The following TOX4 variants were observed in gnomAD, a reference collection of about 807,000 sequenced individuals.
TOX4 encodes the protein epidermal Langerhans cell protein LCP1.
In TOX4, 12 loss-of-function variants were observed where a neutral mutation model predicts 61.0. That is an observed-to-expected ratio of 0.20 (90% CI 0.13 to 0.32). The LOEUF is 0.32. Ranked by LOEUF, TOX4 falls within the 10% of genes least tolerant of loss-of-function variation. The probability of loss-of-function intolerance (pLI) is 1.00; values close to 1 mark genes in which losing one functional copy is unlikely to be tolerated. For missense variants in TOX4, 499 were observed against 753.3 expected (o/e 0.66, Z 3.95); for synonymous variants, 268 against 274.8 (o/e 0.98, Z 0.24).
At chr14:21,491,281 C>G (rs971202789) in intron 5 of TOX4, among the ~76,000 whole-genome samples, 19 of 152,222 alleles carry the variant, frequency 1.2e-4, no homozygotes, top group Non-Finnish European at 2.6e-4. Context: ...CAATTTACCA[C>G]ATTCCATAAG....
chr14:21,493,840 T>A (rs1891346259), intron 7 of TOX4, among the ~76,000 whole-genome samples: 1 of 150,830 alleles, frequency 6.6e-6, no homozygotes, highest in African/African-American at 2.4e-5. Flanking sequence ...AATCTCCACC[T>A]CCTAGTTCAA....
Position 21,493,112 on chromosome 14 carries a change from C to CCA in TOX4, c.1498_1499dup (p.Lys502Ter). ...CTGCAGATCAAGAGTGTGCCTCTAC[C>CCA]CACTTTGAAAATGCAGACTACCTTA... On this transcript the variant is annotated frameshift_variant, in exon 7 of 9. Transcript: ENST00000448790. LOFTEE classifies it high-confidence loss of function. 1 of 1,613,722 alleles carries CCA rather than the reference C, an allele frequency of 6.2e-7. No homozygotes were observed. The highest frequency in any genetic ancestry group is 8.5e-7 in the Non-Finnish European group (1 of 1,180,000).
At chr14:21,491,127 T>A (rs1891281829) in intron 5 of TOX4, among the ~76,000 whole-genome samples, 1 of 113,802 alleles carries the variant, frequency 8.8e-6, no homozygotes, top group Non-Finnish European at 2.0e-5. Context: ...ACCTGGCCTA[T>A]TTTTTTTCTT....
chr14:21,488,944 G>GT, intron 4 of TOX4, 94 bp downstream of exon 4: 1 of 1,526,006 alleles, frequency 6.6e-7, no homozygotes, highest in South Asian at 1.2e-5. Context: ...TACCCTTGCC[G>GT]TGCCATCTCC....
chr14:21,489,212 A>G lies in TOX4; in HGVS notation c.619A>G (p.Lys207Glu). 1 of 1,614,136 alleles carries G rather than the reference A, an allele frequency of 6.2e-7. No individual in the cohort carries two copies. The highest frequency in any genetic ancestry group is 8.5e-7 in the Non-Finnish European group (1 of 1,180,030). Residue 207 changes from lysine (K) to glutamate (E), a missense_variant, in exon 5 of 9, where the codon AAA becomes GAA. Lys to Glu is a moderately conservative substitution (Grantham distance 56). Coordinates refer to ENST00000448790, the MANE Select transcript of TOX4 (RefSeq NM_014828.4). ...SQKTVVVEAG[K>E]KQKAPKKRKK... ...GAAGACAGTCGTGGTGGAAGCAGGG[A>G]AAAAGCAGAAGGCCCCAAAGAAGAG...
intron 2 of TOX4, 66 bp from the exon 3 acceptor site, chr14:21,487,385 C>G: frequency 1.3e-6 from 2 of 1,570,470 alleles, no homozygotes; most frequent in Middle Eastern, 1.7e-4. Flanking sequence ...CCATTATGTT[C>G]TTCACTTAGT....
intron 2 of TOX4, among the ~76,000 whole-genome samples, chr14:21,486,885 A>T (rs185894955): frequency 6.6e-6 from 1 of 152,222 alleles, no homozygotes; most frequent in Admixed American, 6.5e-5. Flanking sequence ...TGTTGTTAAC[A>T]TTATAATTTC....
chr14:21,489,105 T>G, intron 4 of TOX4, 68 bp from the exon 5 acceptor site: 3 of 1,504,370 alleles, frequency 2.0e-6, no homozygotes, highest in South Asian at 1.3e-5. Flanking sequence ...TCCATACATG[T>G]GGCTAGTTTC....
Position 21,488,639 on chromosome 14 carries a change from C to A in TOX4, c.368C>A (p.Thr123Lys), listed in dbSNP as rs764107867. Residue 123 changes from threonine (T) to lysine (K), a missense_variant, in exon 4 of 9, where the codon ACA (threonine) becomes AAA (lysine). Physicochemically the swap from Thr to Lys is moderately conservative, Grantham distance 78 (BLOSUM62 -1). Coordinates refer to ENST00000448790, the MANE Select transcript of TOX4 (RefSeq NM_014828.4). ...CAGTATAGTGCCAACCCACCTGTTACAATTGATGTACCAATGACAGACATG... is the reference window on the plus strand; with the variant it reads ...CAGTATAGTGCCAACCCACCTGTTAAAATTGATGTACCAATGACAGACATG... Reference protein sequence around the residue: ...GTQYSANPPVTIDVPMTDMTS... With the variant: ...GTQYSANPPVKIDVPMTDMTS... 2.5e-6 allele frequency: 4 copies of A among 1,613,994 alleles called. No individual in the cohort carries two copies. Among genetic ancestry groups the A allele is most frequent in the African/African-American group, 2.7e-5 (2 of 74,896 alleles).
intron 2 of TOX4, among the ~76,000 whole-genome samples, chr14:21,478,581 A>ATGG (rs1404403805): frequency 6.6e-6 from 1 of 152,254 alleles, no homozygotes; most frequent in African/African-American, 2.4e-5. Context: ...GCAAAAGAGA[A>ATGG]TGGTGGAACA....
chr14:21,488,997 G>A (rs1891239645), intron 4 of TOX4, 147 bp downstream of exon 4: 12 of 1,296,904 alleles, frequency 9.3e-6, no homozygotes, highest in Admixed American at 5.3e-5. Context: ...CCAATTTCCA[G>A]TTTATAATTC....
At chr14:21,483,246 GT>G (rs1891137924) in intron 2 of TOX4, among the ~76,000 whole-genome samples, 1 of 152,108 alleles carries the variant, frequency 6.6e-6, no homozygotes, top group African/African-American at 2.4e-5. Context: ...CAAAGTTGCT[GT>G]TTTGTTGTGG....
At chr14:21,490,077 G>A (rs1366326482) in intron 5 of TOX4, among the ~76,000 whole-genome samples, 1 of 151,486 alleles carries the variant, frequency 6.6e-6, no homozygotes, top group African/African-American at 2.4e-5. Flanking sequence ...AGGCTGAGGC[G>A]GGAGGATTGC....
chr14:21,491,071 T>C (rs184601600), intron 5 of TOX4, among the ~76,000 whole-genome samples: 1 of 152,378 alleles, frequency 6.6e-6, no homozygotes, highest in African/African-American at 2.4e-5. Context: ...GTGATCCGCC[T>C]GCCTTGTCCT....
At chr14:21,479,698 G>A (rs10135215) in intron 2 of TOX4, among the ~76,000 whole-genome samples, 76,372 of 151,856 alleles carry the variant, frequency 0.5, 19,376 homozygotes, top group East Asian at 0.63. Context: ...TGCACTCTTA[G>A]TTGCCATTTT....
At chr14:21,482,332 T>C (rs1891119620) in intron 2 of TOX4, among the ~76,000 whole-genome samples, 1 of 152,198 alleles carries the variant, frequency 6.6e-6, no homozygotes, top group South Asian at 2.1e-4. Flanking sequence ...TAAGAGCAGT[T>C]ATTTAAATGA....
intron 2 of TOX4, 114 bp from the exon 3 acceptor site, chr14:21,487,337 C>T (rs997867607): frequency 1.4e-6 from 2 of 1,391,622 alleles, no homozygotes; most frequent in Non-Finnish European, 2.0e-6. Flanking sequence ...AAATAGGATC[C>T]TAAGCAGAAA....
Position 21,477,482 on chromosome 14 carries a change from C to G in TOX4, c.7-14C>G. ...CCCCCTAACTTATCCCCGCGACTTTCTTTTGGTTTCCAGTTTCCCGGAGGA... is the reference window on the plus strand; with the variant it reads ...CCCCCTAACTTATCCCCGCGACTTTGTTTTGGTTTCCAGTTTCCCGGAGGA... On this transcript the variant is annotated splice_polypyrimidine_tract_variant and intron_variant, in intron 1 of 8. Transcript: ENST00000448790. 6.2e-7 allele frequency: 1 copy of G among 1,613,302 alleles called. No individual in the cohort carries two copies. The highest frequency in any genetic ancestry group is 1.3e-5 in the African/African-American group (1 of 75,018).
Position 21,495,493 on chromosome 14 carries a change from C to T in TOX4, c.1805+101C>T. The T allele has an allele frequency of 2.1e-6, 3 of 1,402,228 alleles. 1 individual carries two copies. In the South Asian group the frequency reaches 4.1e-5, roughly 19 times the overall value. The allele number at this position is 1,402,228 out of a possible 1,614,324, so 86.9% of individuals were successfully genotyped here. ...AAATCAGCATCTCAGTGTCACCTTACCTTAGGTAGAGTAGGTTGCTGTATC... is the reference window on the plus strand; with the variant it reads ...AAATCAGCATCTCAGTGTCACCTTATCTTAGGTAGAGTAGGTTGCTGTATC... On this transcript the variant is annotated intron_variant, in intron 8 of 8. Coordinates refer to ENST00000448790, the MANE Select transcript of TOX4 (RefSeq NM_014828.4).
Sources: gnomAD v4.1 joint callset for allele counts (sites outside exome capture counted in the v4.1 genomes callset) on GRCh38, gnomAD v4.1.1 for gene constraint, MANE v1.5 for transcripts, NCBI Gene and HGNC (gene_info 2026-07-23, HGNC 2026-07-21) for gene names.